Variants in CLOCK observed in about 807,000 individuals in gnomAD.
CLOCK encodes the protein clock circadian regulator.
CLOCK carries 43 observed loss-of-function variants against 118.4 expected under a neutral mutation model. The observed-to-expected ratio is 0.36, with a 90% confidence interval of 0.28 to 0.47. The LOEUF (loss-of-function observed/expected upper bound fraction) is 0.47, where lower values mean the gene tolerates loss of function less well. CLOCK is among the 20% of genes least tolerant of loss of function. The probability of loss-of-function intolerance (pLI) is 1.00; values close to 1 mark genes in which losing one functional copy is unlikely to be tolerated. For synonymous variants in CLOCK, 326 were observed against 339.2 expected (o/e 0.96, Z 0.43); for missense variants, 846 against 999.9 (o/e 0.85, Z 2.08).
intron 18 of CLOCK, among the ~76,000 whole-genome samples, 182 bp downstream of exon 18, chr4:55,448,597 C>CGTGTGTGTGT (rs1464115730): frequency 1.4e-5 from 1 of 72,922 alleles, no homozygotes; most frequent in Non-Finnish European, 2.5e-5. Context: ...CGCGCGCACG[C>CGTGTGTGTGT]GCGCGTGTGT....
At chr4:55,449,813 TA>T (rs11347931) in intron 16 of CLOCK, among the ~76,000 whole-genome samples, 51,290 of 151,894 alleles carry the variant, frequency 0.34, 9,362 homozygotes, top group East Asian at 0.58. Context: ...GGCCCTACAG[TA>T]AAAAAACACA....
rs143785502 is a variant in CLOCK, at chr4:55,493,196, T to C, written c.-135-3731A>G. 3.4e-3 allele frequency among the ~76,000 whole-genome samples: 518 copies of C among 152,240 alleles called. 2 individuals carry two copies. Among genetic ancestry groups the C allele is most frequent in the African/African-American group, 0.011 (473 of 41,550 alleles). On this transcript the variant is annotated intron_variant, in intron 2 of 22. Transcript: ENST00000513440. ...GAGAACAAAAACTTAACAGAGACTA[T>C]TTTTCTAGCCATTTAAAGAAAACAA...
intron 7 of CLOCK, among the ~76,000 whole-genome samples, chr4:55,475,623 C>A (rs1196443603): frequency 6.6e-6 from 1 of 152,164 alleles, no homozygotes; most frequent in Non-Finnish European, 1.5e-5. Flanking sequence ...TCAGCAACCA[C>A]CACCCTAATC....
rs757611842 is a variant in CLOCK at position 55,482,851 on chromosome 4, T to C, written c.-43-23A>G. 4.1e-4 allele frequency: 465 copies of C among 1,142,538 alleles called. 1 individual carries two copies. Among genetic ancestry groups the C allele is most frequent in the Non-Finnish European group, 5.6e-4 (437 of 773,696 alleles). The allele number at this position is 1,142,538 out of a possible 1,614,324, so 70.8% of individuals were successfully genotyped here. A position where few individuals can be genotyped will look rare whatever the true frequency, so the allele number is the denominator to read the frequency against. ...CTCCTTAGGTGAAAAGAAAAATAAATGGTCATTAGTTTTCTAAAAATGTTA... is the reference window on the plus strand; with the variant it reads ...CTCCTTAGGTGAAAAGAAAAATAAACGGTCATTAGTTTTCTAAAAATGTTA... On this transcript the variant is annotated intron_variant, in intron 3 of 22. Transcript: ENST00000513440.
At chr4:55,487,934 TAC>T (rs1727405201) in intron 3 of CLOCK, among the ~76,000 whole-genome samples, 2 of 152,178 alleles carry the variant, frequency 1.3e-5, no homozygotes, top group African/African-American at 4.8e-5. Context: ...AAAATCTTCT[TAC>T]TTTAGCTTCA....
chr4:55,508,966 G>A (rs1026980323), intron 2 of CLOCK, among the ~76,000 whole-genome samples: 1 of 152,084 alleles, frequency 6.6e-6, no homozygotes, highest in African/African-American at 2.4e-5. Context: ...ATACCTAGAT[G>A]GTATAGCCTA....
In CLOCK at chr4:55,429,035, TTGTC is replaced by T. The variant is rs998306591; in HGVS notation, c.*6376_*6379del. On this transcript the variant is annotated 3_prime_UTR_variant, in exon 23 of 23. Coordinates refer to ENST00000513440, the MANE Select transcript of CLOCK (RefSeq NM_004898.4). ...GGCCAATTTTTTTGCTTGAAGATGA[TTGTC>T]TGGTTATACAAGACATCAATCTGAA... 8 of 151,354 alleles carry T rather than the reference TTGTC, an allele frequency of 5.3e-5. No homozygotes were observed. The highest frequency in any genetic ancestry group is 1.0e-4 in the Non-Finnish European group (7 of 67,882). The allele number at this position is 151,354 out of a possible 1,614,324, so 9.4% of individuals were successfully genotyped here.
chr4:55,517,271 G>T (rs1199821731), intron 1 of CLOCK, among the ~76,000 whole-genome samples: 1 of 152,158 alleles, frequency 6.6e-6, no homozygotes. Flanking sequence ...AGCACTTTGG[G>T]AGGCCGAGGT....
chr4:55,491,397 CTA>C (rs1727685040), intron 2 of CLOCK, among the ~76,000 whole-genome samples: 1 of 146,350 alleles, frequency 6.8e-6, no homozygotes, highest in African/African-American at 2.5e-5. Flanking sequence ...ATCAACAAAA[CTA>C]AGAGTTGTTT....
At chr4:55,538,787 A>G (rs1460665754) in intron 1 of CLOCK, among the ~76,000 whole-genome samples, 1 of 152,260 alleles carries the variant, frequency 6.6e-6, no homozygotes, top group African/African-American at 2.4e-5. Context: ...AATAAAAGAC[A>G]CATTATCCTC....
chr4:55,479,632 C>A lies in CLOCK; in HGVS notation c.107+8G>T. 6.2e-7 allele frequency: 1 copy of A among 1,602,970 alleles called. No homozygotes were observed. The highest frequency in any genetic ancestry group is 8.5e-7 in the Non-Finnish European group (1 of 1,170,526). ...TCATTTACTATTTTATATCTCTAAT[C>A]AAACTACCTTTTCGCTTTGTCCTTG... On this transcript the variant is annotated splice_region_variant and intron_variant, in intron 5 of 22. Coordinates refer to ENST00000513440, the MANE Select transcript of CLOCK (RefSeq NM_004898.4).
At chr4:55,523,559 G>GA (rs1729975694) in intron 1 of CLOCK, among the ~76,000 whole-genome samples, 1 of 152,120 alleles carries the variant, frequency 6.6e-6, no homozygotes, top group Non-Finnish European at 1.5e-5. Context: ...TTGAGGCTTT[G>GA]AAAGTGTATC....
chr4:55,541,771 C>A lies in CLOCK; in HGVS notation c.-290+5011G>T, dbSNP rs575075492. The stretch of plus-strand genomic sequence containing the variant: ...TTATCAAATAAAACATCAAATGGTT[C>A]TTTCCAGCGGGAAAGCTTAAAAAAA... On this transcript the variant is annotated intron_variant, in intron 1 of 22. Transcript: ENST00000513440. Among the ~76,000 whole-genome samples, 7 of 152,188 alleles carry A rather than the reference C, an allele frequency of 4.6e-5. No individual in the cohort carries two copies. In the East Asian group the frequency reaches 1.4e-3, roughly 29 times the overall value.
chr4:55,542,543 G>C (rs1301496722), intron 1 of CLOCK, among the ~76,000 whole-genome samples: 1 of 151,508 alleles, frequency 6.6e-6, no homozygotes, highest in Non-Finnish European at 1.5e-5. Context: ...CAGCTAAAAA[G>C]AATTAAGGTT....
At chr4:55,535,500 A>C (rs1013518153) in intron 1 of CLOCK, among the ~76,000 whole-genome samples, 6 of 152,108 alleles carry the variant, frequency 3.9e-5, no homozygotes, top group African/African-American at 1.4e-4. Flanking sequence ...TGAGCCCAGG[A>C]GTTCAAGACA....
chr4:55,488,733 T>A (rs1727476044), intron 3 of CLOCK, among the ~76,000 whole-genome samples: 1 of 152,126 alleles, frequency 6.6e-6, no homozygotes, highest in East Asian at 1.9e-4. Flanking sequence ...TCTACCACAT[T>A]ATCCTTTTTT....
chr4:55,480,890 C>CAA (rs60541884), intron 4 of CLOCK, among the ~76,000 whole-genome samples: 53,385 of 143,686 alleles, frequency 0.37, 10,059 homozygotes, highest in East Asian at 0.58. Flanking sequence ...GACTCTGTCT[C>CAA]AAAAAAAAAA....
At chr4:55,517,612 T>C (rs940003893) in intron 1 of CLOCK, among the ~76,000 whole-genome samples, 2 of 152,250 alleles carry the variant, frequency 1.3e-5, no homozygotes, top group Non-Finnish European at 2.9e-5. Context: ...TAATTTGTTG[T>C]TTCTGTTCTG....
At chr4:55,512,091 T>C (rs1353165939) in intron 1 of CLOCK, among the ~76,000 whole-genome samples, 1 of 152,022 alleles carries the variant, frequency 6.6e-6, no homozygotes, top group Admixed American at 6.6e-5. Context: ...TTTGTATGGA[T>C]AGAAACTGTC....
Sources: gnomAD v4.1 joint callset for allele counts (sites outside exome capture counted in the v4.1 genomes callset) on GRCh38, gnomAD v4.1.1 for gene constraint, MANE v1.5 for transcripts, NCBI Gene and HGNC (gene_info 2026-07-23, HGNC 2026-07-21) for gene names.